Variants in C10orf67 observed in about 807,000 individuals in gnomAD.
C10orf67 encodes chromosome 10 open reading frame 67.
C10orf67 carries 60 observed loss-of-function variants against 35.6 expected under a neutral mutation model. The ratio of observed to expected loss-of-function variants is 1.68; its 90% CI spans 1.37 to 2.09. C10orf67 has a LOEUF of 2.09. Ranked by LOEUF, C10orf67 falls within the 30% of genes most tolerant of loss-of-function variation. The pLI is 0.00. For missense variants in C10orf67, 474 were observed against 330.2 expected (o/e 1.44, Z -3.38); for synonymous variants, 167 against 115.8 (o/e 1.44, Z -2.84).
At chr10:23,260,472 A>T (rs1842719614) in intron 10 of C10orf67, among the ~76,000 whole-genome samples, 1 of 152,232 alleles carries the variant, frequency 6.6e-6, no homozygotes. Context: ...GTCAAATGCA[A>T]ATCTTACTGT....
intron 2 of C10orf67, among the ~76,000 whole-genome samples, chr10:23,330,859 T>C (rs892173397): frequency 3.9e-5 from 6 of 152,128 alleles, no homozygotes; most frequent in African/African-American, 1.4e-4. Flanking sequence ...GTCTTATTAC[T>C]CTGCTGTATA....
intron 8 of C10orf67, among the ~76,000 whole-genome samples, chr10:23,267,818 A>C (rs1842922125): frequency 6.6e-6 from 1 of 151,984 alleles, no homozygotes; most frequent in African/African-American, 2.4e-5. Context: ...AGGCAGGAGA[A>C]TCTACCCAGG....
At chr10:23,222,388 A>G (rs986081363) in intron 15 of C10orf67, among the ~76,000 whole-genome samples, 1 of 152,304 alleles carries the variant, frequency 6.6e-6, no homozygotes, top group Middle Eastern at 3.4e-3. Context: ...ATTGCAGGCC[A>G]TAAGTGAATT....
intron 10 of C10orf67, among the ~76,000 whole-genome samples, chr10:23,257,122 A>G (rs1842621975): frequency 1.3e-5 from 2 of 152,158 alleles, no homozygotes; most frequent in Admixed American, 6.5e-5. Flanking sequence ...TGGACCTTCA[A>G]CTCTATGCCA....
chr10:23,307,825 C>T (rs1844345890), intron 4 of C10orf67, among the ~76,000 whole-genome samples: 1 of 151,980 alleles, frequency 6.6e-6, no homozygotes, highest in South Asian at 2.1e-4. Flanking sequence ...TGCCACATTG[C>T]CCAGGCTGGT....
At chr10:23,257,144 A>G (rs1842622938) in intron 10 of C10orf67, among the ~76,000 whole-genome samples, 1 of 152,196 alleles carries the variant, frequency 6.6e-6, no homozygotes, top group African/African-American at 2.4e-5. Flanking sequence ...TACCAAGTGG[A>G]GGTGTCCTAC....
intron 15 of C10orf67, among the ~76,000 whole-genome samples, chr10:23,208,779 T>G (rs1386932628): frequency 6.6e-6 from 1 of 152,218 alleles, no homozygotes; most frequent in East Asian, 1.9e-4. Flanking sequence ...TGTGACTTGC[T>G]TTGGCTAATG....
chr10:23,253,372 G>T (rs1346838579), intron 10 of C10orf67, among the ~76,000 whole-genome samples: 1 of 152,158 alleles, frequency 6.6e-6, no homozygotes, highest in Non-Finnish European at 1.5e-5. Context: ...TGTTCTCAAA[G>T]GGCACAATCC....
chr10:23,256,047 G>A (rs1842591280), intron 10 of C10orf67, among the ~76,000 whole-genome samples: 1 of 152,084 alleles, frequency 6.6e-6, no homozygotes, highest in South Asian at 2.1e-4. Flanking sequence ...CATGGCTCAG[G>A]CTGGAGTGCA....
intron 15 of C10orf67, among the ~76,000 whole-genome samples, chr10:23,219,591 T>A (rs1234745607): frequency 6.6e-6 from 1 of 152,180 alleles, no homozygotes; most frequent in African/African-American, 2.4e-5. Context: ...GTATTGTACC[T>A]CATTTTTTTA....
At chr10:23,218,626 T>C (rs973784996) in intron 15 of C10orf67, among the ~76,000 whole-genome samples, 2 of 152,100 alleles carry the variant, frequency 1.3e-5, no homozygotes, top group Non-Finnish European at 2.9e-5. Flanking sequence ...ATTTGAATAA[T>C]AGGTAACTGA....
intron 15 of C10orf67, among the ~76,000 whole-genome samples, chr10:23,218,307 A>ATT (rs371926193): frequency 0.063 from 7,516 of 119,052 alleles, 625 homozygotes; most frequent in East Asian, 0.37. Flanking sequence ...CACGAGGCTA[A>ATT]TTTTTTTTTT....
Position 23,344,741 on chromosome 10 carries a change from C to T in C10orf67, c.34G>A (p.Val12Ile), listed in dbSNP as rs770848119. 7.0e-6 allele frequency: 11 copies of T among 1,571,166 alleles called. No individual in the cohort carries two copies. The highest frequency in any genetic ancestry group is 8.6e-6 in the Non-Finnish European group (10 of 1,158,370). ...ALVRDRRAHY[V>I]MSIVIRWVHC... ...ACCCATCTAATAACTATGCTCATGA[C>T]ATAATGAGCCCTGCGATCCCGGACC... The change falls in exon 1 of 16, where the codon GTC (valine) becomes ATC (isoleucine). Residue 12 changes from valine to isoleucine, a missense_variant. Coordinates refer to ENST00000636213, the MANE Select transcript of C10orf67 (RefSeq NM_001371909.1).
chr10:23,251,409 C>T (rs938090058), intron 10 of C10orf67, among the ~76,000 whole-genome samples: 7 of 152,206 alleles, frequency 4.6e-5, no homozygotes, highest in African/African-American at 1.2e-4. Flanking sequence ...CAAAACAGTT[C>T]TCAAGAAAGG....
chr10:23,226,410 T>C (rs1244681780), intron 13 of C10orf67, among the ~76,000 whole-genome samples: 3 of 151,904 alleles, frequency 2.0e-5, no homozygotes, highest in African/African-American at 4.8e-5. Flanking sequence ...GGACACAACA[T>C]ACCAGAATCT....
rs140357592 is a variant in C10orf67 at position 23,267,259 on chromosome 10, A to G, written c.976-5T>C. On this transcript the variant is annotated splice_polypyrimidine_tract_variant and splice_region_variant and intron_variant, in intron 8 of 15. Transcript: ENST00000636213. ...GTCCTCTTTCTGTTTATTAATCTGT[A>G]AAATTGAAGACCCATATCATTGGTT... 691 of 712,494 alleles carry G rather than the reference A, an allele frequency of 9.7e-4. 4 individuals carry two copies. In the African/African-American group the frequency reaches 0.01, roughly 10 times the overall value. The allele number at this position is 712,494 out of a possible 1,614,324, so 44.1% of individuals were successfully genotyped here.
chr10:23,253,639 T>A (rs1842522033), intron 10 of C10orf67, among the ~76,000 whole-genome samples: 1 of 152,198 alleles, frequency 6.6e-6, no homozygotes, highest in Non-Finnish European at 1.5e-5. Flanking sequence ...TATCCAAAGT[T>A]ACATCAGTGA....
intron 8 of C10orf67, among the ~76,000 whole-genome samples, chr10:23,279,233 G>T (rs1473367680): frequency 6.6e-6 from 1 of 152,222 alleles, no homozygotes; most frequent in Non-Finnish European, 1.5e-5. Context: ...AGCAGAACTT[G>T]CTCCTCTGCC....
chr10:23,329,041 A>AAGAAAGAAAGAAAGAAAGAAAGAAAAG (rs1564517160), intron 2 of C10orf67, among the ~76,000 whole-genome samples: 2 of 150,842 alleles, frequency 1.3e-5, no homozygotes, highest in Admixed American at 6.6e-5. Flanking sequence ...AAAGAAAAGA[A>AAGAAAGAAAGAAAGAAAGAAAGAAAAG]AGAAAGAGTA....
Sources: allele counts gnomAD v4.1 joint callset (sites outside exome capture counted in the v4.1 genomes callset), GRCh38; gene constraint gnomAD v4.1.1; transcripts MANE v1.5; gene names NCBI Gene and HGNC (gene_info 2026-07-23, HGNC 2026-07-21).